PPP1R7: variants seen among roughly 807,000 people sequenced by gnomAD.
PPP1R7 encodes the protein protein phosphatase 1 regulatory subunit 22.
Under a neutral mutation model 45.2 loss-of-function variants are expected in PPP1R7, and 18 were observed. The observed-to-expected ratio is 0.40, with a 90% CI of 0.28 to 0.59. PPP1R7 has a LOEUF of 0.59. Ranked by LOEUF, PPP1R7 falls within the 20% of genes least tolerant of loss-of-function variation. The pLI, the probability that PPP1R7 is intolerant of heterozygous loss-of-function variation, is 0.46. For synonymous variants in PPP1R7, 181 were observed against 183.4 expected, an observed-to-expected ratio of 0.99 and a Z score of 0.11; for missense variants, 314 against 455.8, an observed-to-expected ratio of 0.69 and a Z score of 2.83.
At chr2:241,171,823 G>T (rs1349647835) in intron 9 of PPP1R7, among the ~76,000 whole-genome samples, 1 of 152,086 alleles carries the variant, frequency 6.6e-6, no homozygotes, top group Non-Finnish European at 1.5e-5. Flanking sequence ...CCTTGTCCTG[G>T]AAGGGTATCT....
chr2:241,166,895 C>T, intron 8 of PPP1R7: 1 of 667,618 alleles, frequency 1.5e-6, no homozygotes. Flanking sequence ...TCCCAGCCCA[C>T]AGAGAGCACA....
intron 4 of PPP1R7, chr2:241,158,964 C>A: frequency 2.0e-6 from 1 of 494,504 alleles, no homozygotes; most frequent in South Asian, 2.3e-5. Context: ...CCCAACTGGC[C>A]TGCTTGGTGG....
intron 9 of PPP1R7, among the ~76,000 whole-genome samples, chr2:241,182,074 A>T (rs2068016270): frequency 6.6e-6 from 1 of 152,094 alleles, no homozygotes; most frequent in African/African-American, 2.4e-5. Context: ...GGCAGGGCCA[A>T]GATGGTAAAA....
intron 2 of PPP1R7, among the ~76,000 whole-genome samples, chr2:241,157,401 A>T (rs1207232935): frequency 6.6e-6 from 1 of 152,242 alleles, no homozygotes; most frequent in Non-Finnish European, 1.5e-5. Context: ...GAGAAAAGCT[A>T]CATGGGAGGC....
chr2:241,174,286 A>G (rs543365461), intron 9 of PPP1R7, among the ~76,000 whole-genome samples: 4 of 152,276 alleles, frequency 2.6e-5, no homozygotes, highest in East Asian at 1.9e-4. Context: ...TGGACCTGCT[A>G]TGGGTGAGCT....
At chr2:241,151,348 A>G (rs2067297114) in intron 1 of PPP1R7, 1 of 429,138 alleles carries the variant, frequency 2.3e-6, no homozygotes. Flanking sequence ...CCTTATGTGA[A>G]AGGGGTAGGG....
intron 1 of PPP1R7, among the ~76,000 whole-genome samples, chr2:241,152,507 ATGGATT>A (rs915799740): frequency 1.3e-5 from 2 of 152,162 alleles, no homozygotes; most frequent in African/African-American, 4.8e-5. Context: ...GGAAGAAGAG[ATGGATT>A]TGGAGGTTTT....
chr2:241,157,991 C>G, intron 3 of PPP1R7, 129 bp downstream of exon 3: 5 of 889,358 alleles, frequency 5.6e-6, no homozygotes, highest in Non-Finnish European at 8.8e-6. Flanking sequence ...GTCAGAGTCC[C>G]GTGTTCATGT....
chr2:241,152,836 C>A (rs2067355421), intron 1 of PPP1R7, among the ~76,000 whole-genome samples: 1 of 152,070 alleles, frequency 6.6e-6, no homozygotes. Flanking sequence ...TTCTTTAATT[C>A]AAAAAATATT....
At chr2:241,163,202 C>T in intron 6 of PPP1R7, 83 bp from the exon 7 acceptor site, 1 of 833,028 alleles carries the variant, frequency 1.2e-6, no homozygotes, top group African/African-American at 1.7e-5. Flanking sequence ...GCCCACATAG[C>T]TCTGCCCCGG....
intron 2 of PPP1R7, among the ~76,000 whole-genome samples, chr2:241,153,978 A>C (rs1348999598): frequency 5.3e-5 from 8 of 151,310 alleles, no homozygotes; most frequent in Admixed American, 5.3e-4. Context: ...TCAGGAGATC[A>C]AGCCCATCCT....
intron 9 of PPP1R7, among the ~76,000 whole-genome samples, chr2:241,182,396 G>A (rs1394617716): frequency 1.3e-5 from 2 of 152,204 alleles, no homozygotes; most frequent in Non-Finnish European, 2.9e-5. Flanking sequence ...CTGCTGACCT[G>A]AATGTGGACT....
At chr2:241,158,846 C>A (rs2067519902) in intron 4 of PPP1R7, 6 of 461,066 alleles carry the variant, frequency 1.3e-5, no homozygotes, top group South Asian at 6.1e-5. Flanking sequence ...CTGACTTTTA[C>A]AGTCCTCCGT....
At chr2:241,170,196 G>C (rs144192997) in intron 9 of PPP1R7, among the ~76,000 whole-genome samples, 1 of 152,360 alleles carries the variant, frequency 6.6e-6, no homozygotes, top group East Asian at 1.9e-4. Context: ...GAGAAGCCCT[G>C]ATCTAGGTAT....
intron 3 of PPP1R7, 95 bp from the exon 4 acceptor site, chr2:241,158,389 C>A: frequency 8.6e-7 from 1 of 1,165,522 alleles, no homozygotes; most frequent in Non-Finnish European, 1.3e-6. Context: ...CACTGCCTCC[C>A]CCACTGCTGC....
chr2:241,168,387 G>T (rs1319739061), intron 8 of PPP1R7, among the ~76,000 whole-genome samples: 1 of 152,152 alleles, frequency 6.6e-6, no homozygotes, highest in African/African-American at 2.4e-5. Flanking sequence ...CAGTTTCTGG[G>T]CTTGCATACC....
upstream of PPP1R7, chr2:241,149,886 G>A: frequency 6.9e-7 from 1 of 1,446,792 alleles, no homozygotes; most frequent in Non-Finnish European, 9.0e-7. Context: ...CAGCTGGCTA[G>A]CGGCCCCACC....
At chr2:241,166,278 A>T in intron 7 of PPP1R7, 59 bp from the exon 8 acceptor site, 2 of 1,388,214 alleles carry the variant, frequency 1.4e-6, no homozygotes, top group Non-Finnish European at 2.0e-6. Context: ...TTTCCTAAAA[A>T]CCGTTTCATT....
intron 9 of PPP1R7, among the ~76,000 whole-genome samples, chr2:241,170,363 C>T (rs1035224681): frequency 2.0e-5 from 3 of 152,188 alleles, no homozygotes; most frequent in African/African-American, 7.2e-5. Context: ...TTTGTCTTGT[C>T]ACAGGTATGG....
Sources: allele counts gnomAD v4.1 joint callset (sites outside exome capture counted in the v4.1 genomes callset), GRCh38; gene constraint gnomAD v4.1.1; transcripts MANE v1.5; gene names NCBI Gene and HGNC (gene_info 2026-07-23, HGNC 2026-07-21).